METTL4: variants seen among roughly 807,000 people sequenced by gnomAD.
METTL4 encodes N(6)-adenine-specific methyltransferase METTL4.
METTL4 carries 40 observed loss-of-function variants against 54.0 expected under a neutral mutation model. The ratio of observed to expected loss-of-function variants is 0.74; its 90% CI spans 0.58 to 0.96. METTL4 has a LOEUF of 0.96. METTL4 is among the 50% of genes least tolerant of loss of function. METTL4 has a pLI of 0.00. For missense variants in METTL4, 525 were observed against 549.0 expected (o/e 0.96, Z 0.44); for synonymous variants, 169 against 183.8 (o/e 0.92, Z 0.65).
chr18:2,562,642 A>G (rs1026143712), intron 3 of METTL4, among the ~76,000 whole-genome samples: 1 of 152,246 alleles, frequency 6.6e-6, no homozygotes, highest in Non-Finnish European at 1.5e-5. Flanking sequence ...CCTTGAAGAC[A>G]TTATGCTAAA....
At chr18:2,563,427 T>C (rs2072352507) in intron 3 of METTL4, among the ~76,000 whole-genome samples, 1 of 151,902 alleles carries the variant, frequency 6.6e-6, no homozygotes, top group African/African-American at 2.4e-5. Context: ...ACACCATCTC[T>C]ACTAAAAATA....
rs1301322225 is a variant in METTL4 at position 2,544,708 on chromosome 18, G to C, written c.1126C>G (p.Pro376Ala). The C allele has an allele frequency of 6.2e-7, 1 of 1,613,036 alleles. No individual in the cohort carries two copies. Among genetic ancestry groups the C allele is most frequent in the South Asian group, 1.1e-5 (1 of 91,016 alleles). Residue 376 changes from proline to alanine, a missense_variant, in exon 7 of 9, where the codon CCC becomes GCC. Transcript: ENST00000574538. Reference sequence around the variant, plus strand: ...CTCCCCAGTATAAGACCTTCGTAGGGCTTTTTGTGTGGAGAATCTAATGGG... The same window carrying C: ...CTCCCCAGTATAAGACCTTCGTAGGCCTTTTTGTGTGGAGAATCTAATGGG... ...VFPLDSPHKK[P>A]YEGLILGRVQ... is the part of the protein sequence containing the mutation.
At chr18:2,547,678 C>T in intron 5 of METTL4, 149 bp from the exon 6 acceptor site, 2 of 523,160 alleles carry the variant, frequency 3.8e-6, no homozygotes. Context: ...ACAGTGACAC[C>T]CAGTGGACAT....
Position 2,537,626 on chromosome 18 carries a change from T to G in METTL4, c.*1374A>C, listed in dbSNP as rs2037362232. The G allele has an allele frequency of 2.8e-6, 1 of 354,706 alleles. No individual in the cohort carries two copies. The highest frequency in any genetic ancestry group is 5.0e-6 in the Non-Finnish European group (1 of 199,420). 22.0% of individuals were successfully genotyped at this position (354,706 alleles called of 1,614,324 possible). The stretch of plus-strand genomic sequence containing the variant: ...CAAAATTAAGCCTCTGATACTATAC[T>G]CACACACTCAAAGGATGAACAAACT... On this transcript the variant is annotated 3_prime_UTR_variant, in exon 9 of 9. Transcript: ENST00000574538.
chr18:2,565,138 G>T (rs1413904599), intron 2 of METTL4, among the ~76,000 whole-genome samples: 1 of 152,072 alleles, frequency 6.6e-6, no homozygotes, highest in Non-Finnish European at 1.5e-5. Context: ...AATTGGCCGG[G>T]TATGGTGGTG....
intron 5 of METTL4, among the ~76,000 whole-genome samples, chr18:2,552,010 T>C (rs769850471): frequency 3.3e-5 from 5 of 152,044 alleles, no homozygotes; most frequent in South Asian, 2.1e-4. Flanking sequence ...CTGGCCAATA[T>C]GGTGAAACCC....
intron 3 of METTL4, among the ~76,000 whole-genome samples, chr18:2,558,349 AC>A (rs1416578558): frequency 6.6e-6 from 1 of 152,246 alleles, no homozygotes; most frequent in Non-Finnish European, 1.5e-5. Flanking sequence ...ATGAAATAGA[AC>A]ACTTCTAAAT....
Position 2,547,354 on chromosome 18 carries a change from CT to C in METTL4, c.1074del (p.Ile359Ter). ...VEVVAEWHWV[K>X]ITNSGEFVFP... Reference sequence around the variant, plus strand: ...ACAAATAAGCTAACTTCTGAACTTACTTTTACCCAGTGCCACTCAGCAACTA... The same window carrying C: ...ACAAATAAGCTAACTTCTGAACTTACTTTACCCAGTGCCACTCAGCAACTA... On this transcript the variant is annotated frameshift_variant and splice_region_variant, in exon 6 of 9. Coordinates refer to ENST00000574538, the MANE Select transcript of METTL4 (RefSeq NM_022840.5). LOFTEE classifies it high-confidence loss of function. 6.4e-7 allele frequency: 1 copy of C among 1,559,756 alleles called. No homozygotes were observed. The highest frequency in any genetic ancestry group is 8.6e-7 in the Non-Finnish European group (1 of 1,156,128).
Position 2,552,305 on chromosome 18 carries a change from C to T in METTL4, c.899+390G>A, listed in dbSNP as rs375061487. Reference sequence around the variant, plus strand: ...TTATCGCCCTAAGAAGTAACATAAACTAAAAAATTAAAAACAAATTTAAGA... The same window carrying T: ...TTATCGCCCTAAGAAGTAACATAAATTAAAAAATTAAAAACAAATTTAAGA... On this transcript the variant is annotated intron_variant, in intron 5 of 8. Transcript: ENST00000574538. Among the ~76,000 whole-genome samples the T allele has an allele frequency of 3.3e-5, 5 of 151,996 alleles. No individual in the cohort carries two copies. In the East Asian group the frequency reaches 7.7e-4, roughly 23 times the overall value.
At position 2,537,862 on chromosome 18, in the gene METTL4, G is replaced by C. The variant is rs929853021; in HGVS notation, c.*1138C>G. On this transcript the variant is annotated 3_prime_UTR_variant, in exon 9 of 9. Coordinates refer to ENST00000574538, the MANE Select transcript of METTL4 (RefSeq NM_022840.5). ...ATTTATATGAAATTCTCAAACAGCAGAACTAATGATAGAAAGCAAACCAGT... is the reference window on the plus strand; with the variant it reads ...ATTTATATGAAATTCTCAAACAGCACAACTAATGATAGAAAGCAAACCAGT... 7.5e-6 allele frequency: 3 copies of C among 398,386 alleles called. No homozygotes were observed. Among genetic ancestry groups the C allele is most frequent in the Non-Finnish European group, 1.3e-5 (3 of 226,020 alleles). The allele number at this position is 398,386 out of a possible 1,614,324, so 24.7% of individuals were successfully genotyped here.
chr18:2,564,674 T>C (rs1199966165), intron 2 of METTL4, among the ~76,000 whole-genome samples: 1 of 152,218 alleles, frequency 6.6e-6, no homozygotes, highest in Non-Finnish European at 1.5e-5. Context: ...ATGCTAACAA[T>C]AAATGTCTGT....
chr18:2,539,017 C>G lies in METTL4; in HGVS notation c.1402G>C (p.Val468Leu), dbSNP rs8084295. 1,607,615 of 1,613,960 alleles carry G rather than the reference C, an allele frequency of 1. 800,836 individuals are homozygous for G. The highest frequency in any genetic ancestry group is 1 in the East Asian group (44,850 of 44,850). ...GATCATAGTCAGCTTCCAGACTCCA[C>G]AGCAATAAAATAATCCACATGCTGA... ...KFQHVDYFIA[V>L]ESGS The change falls in exon 9 of 9, where the codon GTG (valine) becomes CTG (leucine). Residue 468 changes from valine to leucine, a missense_variant. Transcript: ENST00000574538.
chr18:2,549,819 TAAA>T (rs397758263), intron 5 of METTL4, among the ~76,000 whole-genome samples: 2 of 79,064 alleles, frequency 2.5e-5, no homozygotes, highest in Non-Finnish European at 2.4e-5. Flanking sequence ...CCATCTCTAC[TAAA>T]AAAAAAAAAA....
chr18:2,542,609 A>C (rs573097803), intron 8 of METTL4, among the ~76,000 whole-genome samples: 87 of 152,298 alleles, frequency 5.7e-4, no homozygotes, highest in Non-Finnish European at 8.1e-4. Context: ...AAATGAGAGG[A>C]ATACATATAC....
chr18:2,546,990 G>A (rs1231308580), intron 6 of METTL4, among the ~76,000 whole-genome samples: 2 of 152,166 alleles, frequency 1.3e-5, no homozygotes, highest in Admixed American at 1.3e-4. Context: ...GAAACTGTGA[G>A]TATATAAAGG....
rs1006170914 is a variant in METTL4, at chr18:2,567,440, A to G, written c.-224T>C. The G allele has an allele frequency of 8.3e-6, 3 of 360,712 alleles. No homozygotes were observed. The highest frequency in any genetic ancestry group is 4.7e-5 in the Admixed American group (1 of 21,436). 22.3% of individuals were successfully genotyped at this position (360,712 alleles called of 1,614,324 possible). On this transcript the variant is annotated 5_prime_UTR_variant, in exon 2 of 9. Transcript: ENST00000574538. ...AAGGAAAATTGCAATGTTTTAATAT[A>G]AACTTTCTTTTTAATTTCAGAGTTG...
intron 3 of METTL4, among the ~76,000 whole-genome samples, chr18:2,560,593 A>G (rs2072302134): frequency 6.6e-6 from 1 of 152,094 alleles, no homozygotes; most frequent in Non-Finnish European, 1.5e-5. Flanking sequence ...AAAATCCAGT[A>G]GAGGCCGGGC....
At position 2,567,319 on chromosome 18, in the gene METTL4, C is replaced by A. The variant is rs113106291; in HGVS notation, c.-103G>T. 2.8e-5 allele frequency: 29 copies of A among 1,019,872 alleles called. No homozygotes were observed. The African/African-American group carries it at 3.7e-4, about 13-fold the overall frequency. 63.2% of individuals were successfully genotyped at this position (1,019,872 alleles called of 1,614,324 possible). On this transcript the variant is annotated 5_prime_UTR_variant, in exon 2 of 9. An upstream start codon of the reference 5' UTR is lost. Transcript: ENST00000574538. ...CTTGTATTTCAATAAACATACACTT[C>A]ATACACACAGATAGATTTGATATAC...
chr18:2,549,809 C>G (rs1237264156), intron 5 of METTL4, among the ~76,000 whole-genome samples: 1 of 136,446 alleles, frequency 7.3e-6, no homozygotes, highest in East Asian at 2.0e-4. Flanking sequence ...TAGTGAAACC[C>G]CATCTCTACT....
Sources: gnomAD v4.1 joint callset for allele counts (sites outside exome capture counted in the v4.1 genomes callset) on GRCh38, gnomAD v4.1.1 for gene constraint, MANE v1.5 for transcripts, NCBI Gene and HGNC (gene_info 2026-07-23, HGNC 2026-07-21) for gene names.